The following SIK2 variants were observed in gnomAD, a reference collection of about 807,000 sequenced individuals.
SIK2 encodes the protein salt inducible kinase 2.
Under a neutral mutation model 103.2 loss-of-function variants are expected in SIK2, and 29 were observed. That is an observed-to-expected ratio of 0.28 (90% confidence interval 0.21 to 0.38). The LOEUF (loss-of-function observed/expected upper bound fraction) is 0.38, where lower values mean the gene tolerates loss of function less well. Ranked by LOEUF, SIK2 falls within the 10% of genes least tolerant of loss-of-function variation. The probability of loss-of-function intolerance (pLI) is 1.00; values close to 1 mark genes in which losing one functional copy is unlikely to be tolerated. For synonymous variants in SIK2, 412 were observed against 446.1 expected, an observed-to-expected ratio of 0.92 and a Z score of 0.96; for missense variants, 879 against 1,171.0, an observed-to-expected ratio of 0.75 and a Z score of 3.64.
chr11:111,621,259 T>C (rs1446399912), intron 3 of SIK2, among the ~76,000 whole-genome samples: 18 of 152,216 alleles, frequency 1.2e-4, no homozygotes, highest in Admixed American at 1.2e-3. Flanking sequence ...ACCACTGACC[T>C]GTTTTTTGTC....
At chr11:111,663,304 A>T (rs1195167777) in intron 3 of SIK2, among the ~76,000 whole-genome samples, 1 of 151,912 alleles carries the variant, frequency 6.6e-6, no homozygotes, top group East Asian at 1.9e-4. Flanking sequence ...CTTTCTGATG[A>T]GTGGTCATTT....
chr11:111,648,775 G>A (rs1169301775), intron 3 of SIK2, among the ~76,000 whole-genome samples: 2 of 151,998 alleles, frequency 1.3e-5, no homozygotes, highest in Admixed American at 6.6e-5. Flanking sequence ...TTGTTCTTGT[G>A]TTTTAAATTT....
chr11:111,616,369 A>T lies in SIK2; in HGVS notation c.252+10A>T. 7.1e-7 allele frequency: 1 copy of T among 1,415,454 alleles called. No individual in the cohort carries two copies. Among genetic ancestry groups the T allele is most frequent in the Non-Finnish European group, 1.0e-6 (1 of 999,914 alleles). 87.7% of individuals were successfully genotyped at this position (1,415,454 alleles called of 1,614,324 possible). On this transcript the variant is annotated intron_variant, in intron 2 of 14. Transcript: ENST00000304987. ...AATCAAACTTTATCAGGTATGACTC[A>T]GCCTAACACTATCTCCATTCATTCC...
At chr11:111,684,561 T>G (rs1378214257) in intron 3 of SIK2, among the ~76,000 whole-genome samples, 1 of 152,232 alleles carries the variant, frequency 6.6e-6, no homozygotes, top group Non-Finnish European at 1.5e-5. Context: ...TATTAACTAC[T>G]CAAAAGATAT....
At chr11:111,684,675 T>C (rs1403729595) in intron 3 of SIK2, among the ~76,000 whole-genome samples, 1 of 152,210 alleles carries the variant, frequency 6.6e-6, no homozygotes, top group East Asian at 1.9e-4. Flanking sequence ...GAAGTGAGCC[T>C]CTGGTTCGCT....
chr11:111,726,926 G>C lies in SIK2; in HGVS notation c.*2797G>C, dbSNP rs755349475. On this transcript the variant is annotated 3_prime_UTR_variant, in exon 15 of 15. Transcript: ENST00000304987. ...TTCGGCAAAAAGTGCAATATGTGTG[G>C]TACTTTATTTTTTATGTTCTTTTTT... 2.3e-5 allele frequency: 37 copies of C among 1,595,956 alleles called. 1 individual carries two copies. In the South Asian group the frequency reaches 4.1e-4, roughly 18 times the overall value.
chr11:111,720,538 T>C lies in SIK2; in HGVS notation c.1556T>C (p.Met519Thr), dbSNP rs1046963022. 6.2e-7 allele frequency: 1 copy of C among 1,614,050 alleles called. No individual in the cohort carries two copies. The highest frequency in any genetic ancestry group is 8.5e-7 in the Non-Finnish European group (1 of 1,179,998). Reference protein sequence around the residue: ...SLDSVDSEYDMGSVQRDLNFL... With the variant: ...SLDSVDSEYDTGSVQRDLNFL... ...GACAGTGTGGACTCTGAGTATGATA[T>C]GGGGTCTGTTCAGAGGGACCTGAAC... The change falls in exon 11 of 15, where the codon ATG becomes ACG. Residue 519 changes from methionine to threonine, a missense_variant. Transcript: ENST00000304987.
At chr11:111,606,659 G>C (rs1386409453) in intron 1 of SIK2, among the ~76,000 whole-genome samples, 2 of 152,042 alleles carry the variant, frequency 1.3e-5, no homozygotes, top group Admixed American at 6.6e-5. Context: ...ATATTTTTGT[G>C]CCTATAACTG....
At chr11:111,625,528 G>A (rs181448981) in intron 3 of SIK2, among the ~76,000 whole-genome samples, 246 of 152,288 alleles carry the variant, frequency 1.6e-3, no homozygotes, top group African/African-American at 5.6e-3. Flanking sequence ...AAGAGACAGA[G>A]GAGGAAGAAA....
chr11:111,675,682 G>GA (rs1306146908), intron 3 of SIK2, among the ~76,000 whole-genome samples: 1 of 152,198 alleles, frequency 6.6e-6, no homozygotes, highest in Non-Finnish European at 1.5e-5. Flanking sequence ...AAGCTTCATT[G>GA]AAAAATTGTT....
Position 111,712,076 on chromosome 11 carries a change from T to C in SIK2, c.1102-135T>C. 13 of 933,034 alleles carry C rather than the reference T, an allele frequency of 1.4e-5. 1 individual carries two copies. The South Asian group carries it at 1.9e-4, about 13-fold the overall frequency. The allele number at this position is 933,034 out of a possible 1,614,324, so 57.8% of individuals were successfully genotyped here. A position where few individuals can be genotyped will look rare whatever the true frequency, so the allele number is the denominator to read the frequency against. On this transcript the variant is annotated intron_variant, in intron 8 of 14. Transcript: ENST00000304987. ...TGCACCATGTATATATTTCACTAAA[T>C]CTTTCTGGAGTTTCCAATAAATAAA...
At chr11:111,697,356 T>C (rs1943101075) in intron 4 of SIK2, among the ~76,000 whole-genome samples, 1 of 152,228 alleles carries the variant, frequency 6.6e-6, no homozygotes, top group African/African-American at 2.4e-5. Context: ...GCAGATGATA[T>C]GCTGAGAGCT....
rs373490258 is a variant in SIK2 at position 111,696,411 on chromosome 11, C to T, written c.479-4475C>T. Among the ~76,000 whole-genome samples, 12 of 152,266 alleles carry T rather than the reference C, an allele frequency of 7.9e-5. No individual in the cohort carries two copies. The South Asian group carries it at 8.3e-4, about 11-fold the overall frequency. On this transcript the variant is annotated intron_variant, in intron 4 of 14. Coordinates refer to ENST00000304987, the MANE Select transcript of SIK2 (RefSeq NM_015191.3). ...AAGGGTATGGGGAATTCTGAATTTA[C>T]TGTTGCAACTCTTCTATAAATCTAA... is the stretch of plus-strand genomic sequence containing the variant.
At chr11:111,650,361 C>G (rs1025872893) in intron 3 of SIK2, among the ~76,000 whole-genome samples, 2 of 151,818 alleles carry the variant, frequency 1.3e-5, no homozygotes, top group African/African-American at 4.8e-5. Flanking sequence ...TTTTTGAAAG[C>G]TTTAGGGAGA....
chr11:111,625,959 A>G (rs1350430109), intron 3 of SIK2, among the ~76,000 whole-genome samples: 7 of 152,236 alleles, frequency 4.6e-5, no homozygotes, highest in Non-Finnish European at 1.0e-4. Context: ...AAAATAGGAT[A>G]GTCTAAATTG....
At chr11:111,621,028 T>C (rs1423353337) in intron 3 of SIK2, among the ~76,000 whole-genome samples, 2 of 152,256 alleles carry the variant, frequency 1.3e-5, no homozygotes, top group Non-Finnish European at 2.9e-5. Context: ...CAGAGCACTG[T>C]AGGTATCTAA....
At chr11:111,711,193 A>G (rs1190831073) in intron 8 of SIK2, among the ~76,000 whole-genome samples, 1 of 149,910 alleles carries the variant, frequency 6.7e-6, no homozygotes, top group Non-Finnish European at 1.5e-5. Context: ...ATCTTGGCTC[A>G]CTGCAAGCTC....
At chr11:111,695,144 A>T (rs1943039840) in intron 4 of SIK2, among the ~76,000 whole-genome samples, 1 of 152,090 alleles carries the variant, frequency 6.6e-6, no homozygotes, top group East Asian at 1.9e-4. Flanking sequence ...TTTCCTCATA[A>T]TTGTCTTCTT....
rs1368426097 is a variant in SIK2 at position 111,712,216 on chromosome 11, G to C, written c.1107G>C (p.Gln369His). Residue 369 changes from glutamine to histidine, a missense_variant, in exon 9 of 15, where the codon CAG becomes CAC. By Grantham distance (24) the Gln-to-His change is conservative. Around this residue, in one of 7 missense-constraint regions of SIK2, gnomAD observed 222 missense variants for 258.0 expected, o/e 0.86. Coordinates refer to ENST00000304987, the MANE Select transcript of SIK2 (RefSeq NM_015191.3). ...TGTTCTTGCCATATTTACAGGCACA[G>C]ACTGTGGGGCTCCCAGTGACCATGC... ...TIAEQTVAKA[Q>H]TVGLPVTMHS... 2 of 1,614,186 alleles carry C rather than the reference G, an allele frequency of 1.2e-6. No individual in the cohort carries two copies. Among genetic ancestry groups the C allele is most frequent in the Admixed American group, 1.7e-5 (1 of 60,026 alleles).
Sources: allele counts gnomAD v4.1 joint callset (sites outside exome capture counted in the v4.1 genomes callset), GRCh38; gene constraint gnomAD v4.1.1; regional missense constraint gnomAD v4.1.1; transcripts MANE v1.5; gene names NCBI Gene and HGNC (gene_info 2026-07-23, HGNC 2026-07-21).